The following DCHS2 variants were observed in gnomAD, a reference collection of about 807,000 sequenced individuals.
DCHS2 encodes dachsous cadherin-related 2.
DCHS2 carries 142 observed loss-of-function variants against 182.4 expected under a neutral mutation model. The ratio of observed to expected loss-of-function variants is 0.78; its 90% confidence interval spans 0.68 to 0.89. DCHS2 has a LOEUF of 0.89. Ranked by LOEUF, DCHS2 falls within the 40% of genes least tolerant of loss-of-function variation. The pLI is 0.00. For missense variants in DCHS2, 4,319 were observed against 4,198.6 expected (o/e 1.03, Z -0.79); for synonymous variants, 1,740 against 1,663.3 (o/e 1.05, Z -1.12).
chr4:154,420,808 C>T (rs1268165550), intron 1 of DCHS2, among the ~76,000 whole-genome samples: 2 of 152,124 alleles, frequency 1.3e-5, no homozygotes, highest in Non-Finnish European at 2.9e-5. Flanking sequence ...ATCCCTTAAC[C>T]CAGTCAAGCT....
intron 15 of DCHS2, 45 bp downstream of exon 15, chr4:154,259,498 ACC>A (rs779429701): frequency 6.5e-5 from 101 of 1,565,758 alleles, no homozygotes; most frequent in Admixed American, 4.4e-4. Context: ...ACACAGACAC[ACC>A]CACACACACA....
chr4:154,407,624 C>T (rs1346950674), intron 1 of DCHS2, among the ~76,000 whole-genome samples: 1 of 152,206 alleles, frequency 6.6e-6, no homozygotes, highest in East Asian at 1.9e-4. Flanking sequence ...CTTTCTGTCA[C>T]AGCTGAGAGC....
chr4:154,446,779 A>T (rs1024605473), intron 1 of DCHS2, among the ~76,000 whole-genome samples: 2 of 152,228 alleles, frequency 1.3e-5, no homozygotes, highest in South Asian at 4.1e-4. Flanking sequence ...TAGAAAAAAA[A>T]AGGAGGCAAA....
At chr4:154,297,425 T>A (rs1189657574) in intron 13 of DCHS2, among the ~76,000 whole-genome samples, 3 of 152,248 alleles carry the variant, frequency 2.0e-5, no homozygotes, top group African/African-American at 7.2e-5. Flanking sequence ...TAGGCTTTTT[T>A]ATGTGTAATA....
At chr4:154,332,230 A>C (rs1301610030) in intron 5 of DCHS2, among the ~76,000 whole-genome samples, 1 of 152,214 alleles carries the variant, frequency 6.6e-6, no homozygotes, top group Non-Finnish European at 1.5e-5. Flanking sequence ...GGAAAGTATG[A>C]ATTATTATGG....
At chr4:154,388,929 TA>T (rs1731545141) in intron 1 of DCHS2, among the ~76,000 whole-genome samples, 1 of 152,204 alleles carries the variant, frequency 6.6e-6, no homozygotes, top group South Asian at 2.1e-4. Flanking sequence ...ATCTTCACAG[TA>T]CTGGGTTCTT....
chr4:154,315,975 G>T lies in DCHS2; in HGVS notation c.5033C>A (p.Thr1678Lys), dbSNP rs1268811718. The change falls in exon 10 of 20, where the codon ACA becomes AAA. Residue 1678 changes from threonine (T) to lysine (K), a missense_variant. Thr to Lys is a moderately conservative substitution (Grantham distance 78, BLOSUM62 -1). Coordinates refer to ENST00000357232, the MANE Select transcript of DCHS2 (RefSeq NM_001358235.2). ...MLDESSGLLT[T>K]TCPLDYEMKT... Reference sequence around the variant, plus strand: ...CATTTCATAATCCAAAGGACAGGTTGTGGTTAGTAAGCCTGTTTTGAAAAT... The same window carrying T: ...CATTTCATAATCCAAAGGACAGGTTTTGGTTAGTAAGCCTGTTTTGAAAAT... 2.5e-6 allele frequency: 4 copies of T among 1,613,912 alleles called. No homozygotes were observed. The highest frequency in any genetic ancestry group is 2.2e-5 in the South Asian group (2 of 91,070).
intron 1 of DCHS2, among the ~76,000 whole-genome samples, chr4:154,450,233 C>T (rs1054955353): frequency 3.3e-5 from 5 of 152,098 alleles, no homozygotes; most frequent in Non-Finnish European, 5.9e-5. Context: ...TGCAGTCTCC[C>T]AAAGTTATAA....
intron 13 of DCHS2, among the ~76,000 whole-genome samples, chr4:154,292,326 TTGTC>T (rs1264093778): frequency 6.6e-6 from 1 of 152,214 alleles, no homozygotes; most frequent in Non-Finnish European, 1.5e-5. Flanking sequence ...ACTGATGTCT[TTGTC>T]TGATTTCAGG....
At chr4:154,381,741 C>T (rs1459818101) in intron 1 of DCHS2, among the ~76,000 whole-genome samples, 1 of 152,052 alleles carries the variant, frequency 6.6e-6, no homozygotes, top group African/African-American at 2.4e-5. Context: ...GGTAAAAGAT[C>T]TCTACAAGGA....
rs1317070241 is a variant in DCHS2, at chr4:154,332,461, A to T, written c.3730+17T>A. 1 of 1,583,540 alleles carries T rather than the reference A, an allele frequency of 6.3e-7. No individual in the cohort carries two copies. The highest frequency in any genetic ancestry group is 2.2e-5 in the East Asian group (1 of 44,532). On this transcript the variant is annotated intron_variant, in intron 5 of 19. Transcript: ENST00000357232. ...ACCCTCATTTTAAAGGAATAGGTGG[A>T]AACTATGAAGTGCTACCTGTATTAG...
chr4:154,476,328 C>A (rs1735676610), intron 1 of DCHS2, among the ~76,000 whole-genome samples: 1 of 152,164 alleles, frequency 6.6e-6, no homozygotes, highest in African/African-American at 2.4e-5. Flanking sequence ...AAATTCATAG[C>A]TTCATATTCT....
intron 1 of DCHS2, among the ~76,000 whole-genome samples, chr4:154,402,752 T>G (rs1228808668): frequency 6.6e-6 from 1 of 152,200 alleles, no homozygotes; most frequent in African/African-American, 2.4e-5. Flanking sequence ...TGCTTTGTTT[T>G]GAAATGTGGG....
chr4:154,246,248 G>A (rs1732063361), intron 16 of DCHS2, among the ~76,000 whole-genome samples: 1 of 152,118 alleles, frequency 6.6e-6, no homozygotes, highest in Non-Finnish European at 1.5e-5. Context: ...GGGTAGTTTT[G>A]TCCCTCTTGC....
intron 3 of DCHS2, among the ~76,000 whole-genome samples, chr4:154,341,183 A>G (rs2111384513): frequency 6.6e-6 from 1 of 152,238 alleles, no homozygotes; most frequent in Non-Finnish European, 1.5e-5. Flanking sequence ...CCTGGCTAAC[A>G]CAGTGAAACT....
At chr4:154,412,997 G>A (rs982826047) in intron 1 of DCHS2, among the ~76,000 whole-genome samples, 1 of 152,168 alleles carries the variant, frequency 6.6e-6, no homozygotes, top group African/African-American at 2.4e-5. Flanking sequence ...GGAAGAGGAG[G>A]AGGAAGGAAG....
chr4:154,239,042 T>G, intron 19 of DCHS2, 128 bp downstream of exon 19: 1 of 1,253,378 alleles, frequency 8.0e-7, no homozygotes, highest in East Asian at 2.6e-5. Context: ...AATGAAACAG[T>G]CGTGCTTATA....
At chr4:154,327,273 C>T (rs1270131751) in intron 7 of DCHS2, among the ~76,000 whole-genome samples, 1 of 152,128 alleles carries the variant, frequency 6.6e-6, no homozygotes, top group East Asian at 1.9e-4. Context: ...AGATCTGCTC[C>T]TACCCCCTTT....
chr4:154,414,084 C>G (rs1295548767), intron 1 of DCHS2, among the ~76,000 whole-genome samples: 1 of 151,868 alleles, frequency 6.6e-6, no homozygotes, highest in Non-Finnish European at 1.5e-5. Context: ...GGCCTTTTTT[C>G]TTATTCACCA....
Sources: gnomAD v4.1 joint callset for allele counts (sites outside exome capture counted in the v4.1 genomes callset) on GRCh38, gnomAD v4.1.1 for gene constraint, MANE v1.5 for transcripts, NCBI Gene and HGNC (gene_info 2026-07-23, HGNC 2026-07-21) for gene names.